The following OBSL1 variants were observed in gnomAD, a reference collection of about 807,000 sequenced individuals.
The protein encoded by OBSL1 is obscurin-like protein 1.
OBSL1 carries 160 observed loss-of-function variants against 172.0 expected under a neutral mutation model. That is an observed-to-expected ratio of 0.93 (90% CI 0.82 to 1.06). The LOEUF is 1.06. Among genes scored for constraint, OBSL1 ranks in the 50% least tolerant of loss-of-function variants. The probability of loss-of-function intolerance (pLI) is 0.00; values close to 1 mark genes in which losing one functional copy is unlikely to be tolerated. For synonymous variants in OBSL1, 1,200 were observed against 1,196.3 expected, an observed-to-expected ratio of 1.00 and a Z score of -0.06; for missense variants, 2,681 against 2,715.4, an observed-to-expected ratio of 0.99 and a Z score of 0.28.
intron 6 of OBSL1, among the ~76,000 whole-genome samples, chr2:219,564,384 G>A (rs926836836): frequency 1.3e-5 from 2 of 152,222 alleles, no homozygotes; most frequent in Non-Finnish European, 2.9e-5. Context: ...GTGTCGCCAA[G>A]CTATGGTGTG....
At chr2:219,569,614 C>T (rs537585183) in intron 1 of OBSL1, among the ~76,000 whole-genome samples, 2 of 152,316 alleles carry the variant, frequency 1.3e-5, no homozygotes, top group South Asian at 2.1e-4. Context: ...AGTAAAAACA[C>T]GCAGGACATT....
At position 219,568,012 on chromosome 2, in the gene OBSL1, C is replaced by T. The variant is rs746867657; in HGVS notation, c.1282+43G>A. ...ATCCATCAACCTGGAATCTGAGCAC[C>T]TGCCTGCCTCCGCCTCAGCCTCTTC... is the stretch of plus-strand genomic sequence containing the variant. On this transcript the variant is annotated intron_variant, in intron 2 of 20. Transcript: ENST00000404537. This position sits in a 1 kb window ranked among gnomAD's most constrained non-coding sequence, Gnocchi z 4.1. The T allele has an allele frequency of 1.1e-5, 18 of 1,608,906 alleles. No individual in the cohort carries two copies. Among genetic ancestry groups the T allele is most frequent in the Non-Finnish European group, 1.4e-5 (17 of 1,175,882 alleles).
At chr2:219,553,763 C>T in intron 15 of OBSL1, 77 bp from the exon 16 acceptor site, 1 of 928,436 alleles carries the variant, frequency 1.1e-6, no homozygotes, top group Non-Finnish European at 1.6e-6. Context: ...AGGACATACA[C>T]TTGGGCACAA....
In OBSL1 at chr2:219,556,603, C is replaced by A. The variant is rs542416770; in HGVS notation, c.4187G>T (p.Gly1396Val). 1.9e-6 allele frequency: 3 copies of A among 1,613,980 alleles called. No individual in the cohort carries two copies. The highest frequency in any genetic ancestry group is 2.5e-6 in the Non-Finnish European group (3 of 1,179,880). The change falls in exon 13 of 21, where the codon GGG (glycine) becomes GTG (valine). Residue 1396 changes from glycine to valine, a missense_variant. Coordinates refer to ENST00000404537, the MANE Select transcript of OBSL1 (RefSeq NM_015311.3). ...CTGGGGCCCTGGAGTGACGACGGCC[C>A]CATTGCGCAGCCAGGTGACATCGGC... Reference protein sequence around the residue: ...PDADVTWLRNGAVVTPGPQVE... With the variant: ...PDADVTWLRNVAVVTPGPQVE...
intron 3 of OBSL1, 26 bp from the exon 4 acceptor site, chr2:219,567,601 C>T (rs374911663): frequency 2.8e-5 from 45 of 1,598,834 alleles, no homozygotes; most frequent in African/African-American, 2.8e-4. Flanking sequence ...GGATGTGTTC[C>T]GGCCTTGCTT....
chr2:219,566,741 A>G, intron 5 of OBSL1, 89 bp downstream of exon 5: 2 of 1,399,672 alleles, frequency 1.4e-6, no homozygotes, highest in Non-Finnish European at 1.9e-6. Context: ...CCCAGATACA[A>G]GAAATAAAAA....
At position 219,556,489 on chromosome 2, in the gene OBSL1, C is replaced by G; in HGVS notation, c.4301G>C (p.Gly1434Ala). ...GDAGTVTLRA[G>A]STATSARLHV... ...GAGCCGGGCACTTGTGGCCGTGCTC[C>G]CTGCCCGCAAAGTCACGGTCCCTGC... The change falls in exon 13 of 21, where the codon GGG (glycine) becomes GCG (alanine). Residue 1434 changes from glycine to alanine, a missense_variant. Transcript: ENST00000404537. 1 of 1,613,856 alleles carries G rather than the reference C, an allele frequency of 6.2e-7. No homozygotes were observed. Among genetic ancestry groups the G allele is most frequent in the Non-Finnish European group, 8.5e-7 (1 of 1,179,888 alleles).
At chr2:219,561,499 G>T (rs898557293) in intron 8 of OBSL1, among the ~76,000 whole-genome samples, 3 of 152,132 alleles carry the variant, frequency 2.0e-5, no homozygotes. Flanking sequence ...CCCAGCCCCA[G>T]GGTCCCTAGA....
In OBSL1 at chr2:219,556,700, AG is replaced by A; in HGVS notation, c.4089del (p.Ser1364ArgfsTer3). On this transcript the variant is annotated frameshift_variant, in exon 13 of 21. Transcript: ENST00000404537. LOFTEE classifies it high-confidence loss of function. ...TGGACAGTGAGTGGTGTCAGCTCCG[AG>A]ACCAGCTTCACCAGCAGTGGCTCTA... ...SVEEPLLVKL[V>X]SELTPLTVHE... The A allele has an allele frequency of 6.2e-7, 1 of 1,604,160 alleles. No homozygotes were observed. The highest frequency in any genetic ancestry group is 8.5e-7 in the Non-Finnish European group (1 of 1,171,802).
At chr2:219,566,705 A>C in intron 5 of OBSL1, 125 bp downstream of exon 5, 2 of 1,112,762 alleles carry the variant, frequency 1.8e-6, no homozygotes, top group Non-Finnish European at 2.5e-6. Flanking sequence ...ACCTCAGCCC[A>C]TCATGGATGC....
chr2:219,566,774 A>G, intron 5 of OBSL1, 56 bp downstream of exon 5: 1 of 1,491,488 alleles, frequency 6.7e-7, no homozygotes, highest in African/African-American at 1.4e-5. Context: ...CGTTTTGCCA[A>G]CAGGACTTCT....
intron 6 of OBSL1, among the ~76,000 whole-genome samples, chr2:219,564,540 A>G (rs956132494): frequency 1.3e-5 from 2 of 152,238 alleles, no homozygotes; most frequent in African/African-American, 4.8e-5. Context: ...AAGTGTCCAA[A>G]AAGTGTTTGC....
chr2:219,563,557 C>T lies in OBSL1; in HGVS notation c.2478G>A (p.Met826Ile). The change falls in exon 7 of 21, where the codon ATG (methionine) becomes ATA (isoleucine). Residue 826 changes from methionine to isoleucine, a missense_variant. Met to Ile is a conservative substitution (Grantham distance 10). Coordinates refer to ENST00000404537, the MANE Select transcript of OBSL1 (RefSeq NM_015311.3). ...FVHAITSECV[M>I]LACEVDREDA... is the part of the protein sequence containing the mutation. ...CCTCTCGGTCCACCTCACAGGCCAGCATGACACACTCGGAAGTTATGGCAT... is the reference window on the plus strand; with the variant it reads ...CCTCTCGGTCCACCTCACAGGCCAGTATGACACACTCGGAAGTTATGGCAT... The T allele has an allele frequency of 1.2e-6, 2 of 1,613,902 alleles. No individual in the cohort carries two copies. Among genetic ancestry groups the T allele is most frequent in the South Asian group, 2.2e-5 (2 of 91,072 alleles).
At position 219,566,866 on chromosome 2, in the gene OBSL1, G is replaced by T. The variant is rs534022717; in HGVS notation, c.2098C>A (p.Pro700Thr). 3.1e-6 allele frequency: 5 copies of T among 1,598,856 alleles called. No homozygotes were observed. In the African/African-American group the frequency reaches 5.4e-5, roughly 17 times the overall value. Reference protein sequence around the residue: ...DSGALVGFSCPGVQDSAALTI... With the variant: ...DSGALVGFSCTGVQDSAALTI... Reference sequence around the variant, plus strand: ...AGGGCAGCTGAGTCCTGCACGCCGGGGCAGCTGAAGCCGACCAGGGCACCG... The same window carrying T: ...AGGGCAGCTGAGTCCTGCACGCCGGTGCAGCTGAAGCCGACCAGGGCACCG... The change falls in exon 5 of 21, where the codon CCC becomes ACC. Residue 700 changes from proline to threonine, a missense_variant. Transcript: ENST00000404537.
chr2:219,570,078 C>CG lies in OBSL1; in HGVS notation c.1012+142dup, dbSNP rs1031707386. 5.6e-6 allele frequency: 4 copies of CG among 711,412 alleles called. No individual in the cohort carries two copies. In the Admixed American group the frequency reaches 1.3e-4, roughly 23 times the overall value. 44.1% of individuals were successfully genotyped at this position (711,412 alleles called of 1,614,324 possible). ...ATCCGAATCCCTGGGGAGTGAGAGG[C>CG]GGGCGGGTTTGGTATTTTAATATTC... On this transcript the variant is annotated intron_variant, in intron 1 of 20. Transcript: ENST00000404537.
At chr2:219,563,180 A>C (rs187039967) in intron 7 of OBSL1, 175 bp downstream of exon 7, 89 of 642,840 alleles carry the variant, frequency 1.4e-4, no homozygotes, top group Admixed American at 9.6e-4. Context: ...TTATGATAAC[A>C]CGTTTCCTGA....
chr2:219,556,699 G>A lies in OBSL1; in HGVS notation c.4091C>T (p.Ser1364Leu), dbSNP rs377617217. 1.1e-5 allele frequency: 17 copies of A among 1,604,136 alleles called. No individual in the cohort carries two copies. The African/African-American group carries it at 1.2e-4, about 11-fold the overall frequency. Residue 1364 changes from serine (S) to leucine (L), a missense_variant, in exon 13 of 21, where the codon TCG becomes TTG. Transcript: ENST00000404537. Reference protein sequence around the residue: ...VEEPLLVKLVSELTPLTVHEG... With the variant: ...VEEPLLVKLVLELTPLTVHEG... ...GTGGACAGTGAGTGGTGTCAGCTCCGAGACCAGCTTCACCAGCAGTGGCTC... is the reference window on the plus strand; with the variant it reads ...GTGGACAGTGAGTGGTGTCAGCTCCAAGACCAGCTTCACCAGCAGTGGCTC...
Position 219,556,077 on chromosome 2 carries a change from C to G in OBSL1, c.4552G>C (p.Gly1518Arg), listed in dbSNP as rs779345675. The change falls in exon 14 of 21, where the codon GGC becomes CGC. Residue 1518 changes from glycine (G) to arginine (R), a missense_variant. By Grantham distance (125) the Gly-to-Arg change is moderately radical. This residue lies in a region of OBSL1 where 1,765 missense variants were observed against 1,748.3 expected (regional missense o/e 1.01). Coordinates refer to ENST00000404537, the MANE Select transcript of OBSL1 (RefSeq NM_015311.3). ...TGGTGGCTCTCGCAGCCGTAGGTGC[C>G]CTGGTCGGCCAGTATGACACCATGG... is the stretch of plus-strand genomic sequence containing the variant. Reference protein sequence around the residue: ...FIHGVILADQGTYGCESHHDR... With the variant: ...FIHGVILADQRTYGCESHHDR... The G allele has an allele frequency of 1.1e-5, 17 of 1,613,722 alleles. No homozygotes were observed. Among genetic ancestry groups the G allele is most frequent in the Non-Finnish European group, 1.4e-5 (17 of 1,179,902 alleles).
At chr2:219,555,044 A>G (rs1007656906) in intron 14 of OBSL1, 82 of 416,358 alleles carry the variant, frequency 2.0e-4, no homozygotes, top group Admixed American at 8.8e-4. Flanking sequence ...AGTCAGACAC[A>G]CTAGGAATGG....
Sources: gnomAD v4.1 joint callset for allele counts (sites outside exome capture counted in the v4.1 genomes callset) on GRCh38, gnomAD v4.1.1 for gene constraint, gnomAD v4.1.1 regional missense constraint, Gnocchi (gnomAD v3.1) non-coding constraint, MANE v1.5 for transcripts, NCBI Gene and HGNC (gene_info 2026-07-23, HGNC 2026-07-21) for gene names.